FSIP1: variants seen among roughly 807,000 people sequenced by gnomAD.
FSIP1 encodes the protein fibrous sheath interacting protein 1, also known as fibrous sheath-interacting protein 1.
A neutral mutation model predicts 60.9 loss-of-function variants in FSIP1; 65 were observed. The observed-to-expected ratio is 1.07, with a 90% confidence interval of 0.87 to 1.31. The LOEUF (loss-of-function observed/expected upper bound fraction) is 1.31, where lower values mean the gene tolerates loss of function less well. Among genes scored for constraint, FSIP1 ranks in the 40% most tolerant of loss-of-function variants. The pLI is 0.00. For missense variants in FSIP1, 675 were observed against 665.5 expected, an observed-to-expected ratio of 1.01 and a Z score of -0.16; for synonymous variants, 209 against 221.2, an observed-to-expected ratio of 0.94 and a Z score of 0.49.
intron 10 of FSIP1, among the ~76,000 whole-genome samples, chr15:39,642,925 T>C (rs1201901095): frequency 6.6e-6 from 1 of 152,202 alleles, no homozygotes; most frequent in East Asian, 1.9e-4. Flanking sequence ...TTCCCAGGAG[T>C]TTTAGAGAGA....
At chr15:39,618,542 ATT>A in intron 10 of FSIP1, among the ~76,000 whole-genome samples, 1 of 152,254 alleles carries the variant, frequency 6.6e-6, no homozygotes, top group East Asian at 1.9e-4. Context: ...ACCTCTGGGG[ATT>A]CAGCACTCCC....
At chr15:39,716,119 ATC>A (rs1895728774) in intron 9 of FSIP1, among the ~76,000 whole-genome samples, 3 of 152,182 alleles carry the variant, frequency 2.0e-5, no homozygotes, top group African/African-American at 7.2e-5. Flanking sequence ...TTTAAAGGAA[ATC>A]TAATGTTAGG....
In FSIP1 at chr15:39,724,118, G is replaced by A. The variant is rs540052869; in HGVS notation, c.1050+2471C>T. ...TATATGTTATTTCACATAAAAACAC[G>A]TAATCTCAGTATGTAACAAAAATGT... is the stretch of plus-strand genomic sequence containing the variant. On this transcript the variant is annotated intron_variant, in intron 9 of 11. Coordinates refer to ENST00000350221, the MANE Select transcript of FSIP1 (RefSeq NM_152597.5). Among the ~76,000 whole-genome samples the A allele has an allele frequency of 7.2e-5, 11 of 152,126 alleles. No individual in the cohort carries two copies. The South Asian group carries it at 1.5e-3, about 20-fold the overall frequency.
At chr15:39,671,504 T>C (rs571520338) in intron 10 of FSIP1, among the ~76,000 whole-genome samples, 3 of 152,288 alleles carry the variant, frequency 2.0e-5, no homozygotes, top group Admixed American at 6.5e-5. Flanking sequence ...TGAAGGCTCC[T>C]GCAGACTGTT....
chr15:39,602,305 G>A (rs1458212616), intron 11 of FSIP1: 2 of 456,228 alleles, frequency 4.4e-6, no homozygotes, highest in South Asian at 1.6e-5. Flanking sequence ...ATAGCCAGGA[G>A]AAGCTGGAAG....
At chr15:39,781,804 A>T (rs993881710) in intron 1 of FSIP1, among the ~76,000 whole-genome samples, 1 of 152,234 alleles carries the variant, frequency 6.6e-6, no homozygotes, top group African/African-American at 2.4e-5. Flanking sequence ...GTTGCCAGGG[A>T]TGGCGTTAGG....
intron 11 of FSIP1, among the ~76,000 whole-genome samples, chr15:39,617,282 AG>A (rs1448285462): frequency 2.0e-5 from 3 of 152,220 alleles, no homozygotes. Context: ...GAAACACCTG[AG>A]AACATAGGAG....
intron 10 of FSIP1, among the ~76,000 whole-genome samples, chr15:39,671,264 AT>A (rs898762031): frequency 3.3e-5 from 5 of 152,062 alleles, no homozygotes; most frequent in East Asian, 3.9e-4. Context: ...GAAGAAAATA[AT>A]TTTTTTTCAC....
In FSIP1 at chr15:39,713,593, A is replaced by G. The variant is rs773802338; in HGVS notation, c.1051-12T>C. 4.8e-6 allele frequency: 4 copies of G among 825,140 alleles called. No homozygotes were observed. The highest frequency in any genetic ancestry group is 5.9e-5 in the African/African-American group (2 of 33,696). The allele number at this position is 825,140 out of a possible 1,614,324, so 51.1% of individuals were successfully genotyped here. A position where few individuals can be genotyped will look rare whatever the true frequency, so the allele number is the denominator to read the frequency against. On this transcript the variant is annotated splice_polypyrimidine_tract_variant and intron_variant, in intron 9 of 11. Coordinates refer to ENST00000350221, the MANE Select transcript of FSIP1 (RefSeq NM_152597.5). ...TCACGGTCAGGTTTCTAATTTAAAG[A>G]AAAAAAAAAAACATCATTCACAGGC...
chr15:39,730,353 A>G (rs1896357072), intron 8 of FSIP1, among the ~76,000 whole-genome samples: 1 of 152,238 alleles, frequency 6.6e-6, no homozygotes, highest in African/African-American at 2.4e-5. Context: ...ACATATCTAC[A>G]GTGGTTCAAA....
At chr15:39,739,052 T>C (rs1378423468) in intron 7 of FSIP1, among the ~76,000 whole-genome samples, 1 of 152,220 alleles carries the variant, frequency 6.6e-6, no homozygotes, top group Admixed American at 6.5e-5. Flanking sequence ...ATTAATTAAT[T>C]CACATTCTGG....
rs542816449 is a variant in FSIP1, at chr15:39,649,659, C to T, written c.1189-31414G>A. ...TTTCCATCCCTGCCTGACTCTACAC[C>T]ACTCTCAGGCTATTCTTCCCAGACA... is the stretch of plus-strand genomic sequence containing the variant. On this transcript the variant is annotated intron_variant, in intron 10 of 11. Coordinates refer to ENST00000350221, the MANE Select transcript of FSIP1 (RefSeq NM_152597.5). 2.6e-5 allele frequency among the ~76,000 whole-genome samples: 4 copies of T among 152,272 alleles called. No individual in the cohort carries two copies. The South Asian group carries it at 8.3e-4, about 32-fold the overall frequency.
rs1566846016 is a variant in FSIP1 at position 39,600,934 on chromosome 15, T to C, written c.1700-8A>G. ...CTTTAGTCTCCTGCTCATCTGCACA[T>C]AAAAACAATAACCACAGTTATTAGA... On this transcript the variant is annotated splice_region_variant and splice_polypyrimidine_tract_variant and intron_variant, in intron 11 of 11. Coordinates refer to ENST00000350221, the MANE Select transcript of FSIP1 (RefSeq NM_152597.5). The C allele has an allele frequency of 2.5e-6, 4 of 1,603,580 alleles. No individual in the cohort carries two copies. The highest frequency in any genetic ancestry group is 2.2e-5 in the East Asian group (1 of 44,526).
chr15:39,602,316 A>T (rs557204330), intron 11 of FSIP1: 1 of 456,198 alleles, frequency 2.2e-6, no homozygotes, highest in African/African-American at 2.0e-5. Context: ...AAGCTGGAAG[A>T]AGCATGGAAG....
intron 10 of FSIP1, among the ~76,000 whole-genome samples, chr15:39,684,750 C>T (rs1894297208): frequency 6.6e-6 from 1 of 152,168 alleles, no homozygotes; most frequent in Non-Finnish European, 1.5e-5. Context: ...GGTGCCTGGG[C>T]TTTACCATGT....
At chr15:39,727,536 G>A (rs904036109) in intron 8 of FSIP1, among the ~76,000 whole-genome samples, 3 of 152,200 alleles carry the variant, frequency 2.0e-5, no homozygotes, top group African/African-American at 7.2e-5. Flanking sequence ...AGTGGAAGCA[G>A]AAAGACCAGT....
At chr15:39,710,633 A>G (rs16969663) in intron 10 of FSIP1, among the ~76,000 whole-genome samples, 18,857 of 152,126 alleles carry the variant, frequency 0.12, 1,376 homozygotes, top group African/African-American at 0.2. Context: ...ATTCACAAAA[A>G]AAGACATTAA....
chr15:39,615,955 C>G (rs927704036), intron 11 of FSIP1, among the ~76,000 whole-genome samples: 3 of 145,268 alleles, frequency 2.1e-5, no homozygotes, highest in Admixed American at 6.7e-5. Context: ...TTTCAAGTGT[C>G]TTACCACAAA....
intron 5 of FSIP1, among the ~76,000 whole-genome samples, chr15:39,759,670 TC>T (rs1440754052): frequency 6.6e-6 from 1 of 152,142 alleles, no homozygotes; most frequent in Non-Finnish European, 1.5e-5. Context: ...AGGCCAGAAA[TC>T]CAGAATCAAG....
Sources: gnomAD v4.1 joint callset for allele counts (sites outside exome capture counted in the v4.1 genomes callset) on GRCh38, gnomAD v4.1.1 for gene constraint, MANE v1.5 for transcripts, NCBI Gene and HGNC (gene_info 2026-07-23, HGNC 2026-07-21) for gene names.